Variants in STAU2 observed in about 807,000 individuals in gnomAD.
STAU2 encodes double-stranded RNA-binding protein Staufen homolog 2.
Under a neutral mutation model 65.9 loss-of-function variants are expected in STAU2, and 20 were observed. The observed-to-expected ratio is 0.30, with a 90% CI of 0.21 to 0.44. The LOEUF is 0.44. Ranked by LOEUF, STAU2 falls within the 20% of genes least tolerant of loss-of-function variation. STAU2 has a pLI of 1.00. For synonymous variants in STAU2, 232 were observed against 233.9 expected, an observed-to-expected ratio of 0.99 and a Z score of 0.07; for missense variants, 558 against 683.9, an observed-to-expected ratio of 0.82 and a Z score of 2.05.
At chr8:73,473,751 T>G (rs1176539650) in intron 13 of STAU2, among the ~76,000 whole-genome samples, 1 of 152,154 alleles carries the variant, frequency 6.6e-6, no homozygotes, top group Non-Finnish European at 1.5e-5. Flanking sequence ...GATTAAGTGC[T>G]CACTAGCTAA....
intron 12 of STAU2, among the ~76,000 whole-genome samples, chr8:73,565,204 G>T (rs1294062034): frequency 6.6e-6 from 1 of 152,174 alleles, no homozygotes; most frequent in Non-Finnish European, 1.5e-5. Context: ...CTGGTGGGAG[G>T]TGATTGAATC....
chr8:73,692,132 G>A (rs1819360399), intron 4 of STAU2, among the ~76,000 whole-genome samples: 1 of 152,006 alleles, frequency 6.6e-6, no homozygotes, highest in Non-Finnish European at 1.5e-5. Flanking sequence ...GTGCTGCAGG[G>A]TGGCACACCC....
chr8:73,592,789 G>T (rs938423814), intron 11 of STAU2, among the ~76,000 whole-genome samples: 2 of 152,122 alleles, frequency 1.3e-5, no homozygotes, highest in African/African-American at 4.8e-5. Context: ...AACCTGAGAG[G>T]CGGAGGTTGC....
intron 13 of STAU2, among the ~76,000 whole-genome samples, chr8:73,516,096 A>C (rs4738379): frequency 0.13 from 19,290 of 151,588 alleles, 2,282 homozygotes; most frequent in African/African-American, 0.31. Flanking sequence ...ACCATGCCCA[A>C]CTAATTTTTT....
chr8:73,558,969 A>T (rs1424602432), intron 12 of STAU2, among the ~76,000 whole-genome samples: 1 of 152,208 alleles, frequency 6.6e-6, no homozygotes, highest in Non-Finnish European at 1.5e-5. Context: ...AAAAATTCTT[A>T]AGAACTAGAA....
At chr8:73,518,041 C>T (rs1026797720) in intron 13 of STAU2, among the ~76,000 whole-genome samples, 1 of 152,020 alleles carries the variant, frequency 6.6e-6, no homozygotes, top group Non-Finnish European at 1.5e-5. Flanking sequence ...TTCTTTATTA[C>T]TTAAAAAAAA....
chr8:73,478,950 G>A (rs1377976120), intron 13 of STAU2, among the ~76,000 whole-genome samples: 1 of 152,028 alleles, frequency 6.6e-6, no homozygotes, highest in African/African-American at 2.4e-5. Context: ...TGAATCAGTT[G>A]CCTGAACCTT....
At chr8:73,635,090 A>C (rs890504677) in intron 6 of STAU2, among the ~76,000 whole-genome samples, 8 of 152,246 alleles carry the variant, frequency 5.3e-5, no homozygotes, top group Admixed American at 2.6e-4. Flanking sequence ...AGAAGATTCA[A>C]AACAACTAAA....
Position 73,663,893 on chromosome 8 carries a change from C to A in STAU2, c.410+9214G>T, listed in dbSNP as rs533958255. On this transcript the variant is annotated intron_variant, in intron 6 of 14. Transcript: ENST00000524300. The stretch of plus-strand genomic sequence containing the variant: ...ACTAACCTTGCAACTTGTGGCCTTA[C>A]TAAATTCACTTATTCAGTAGCTTTT... Among the ~76,000 whole-genome samples the A allele has an allele frequency of 3.1e-4, 47 of 152,320 alleles. No individual in the cohort carries two copies. The South Asian group carries it at 9.1e-3, about 30-fold the overall frequency.
chr8:73,642,036 C>G (rs949165229), intron 6 of STAU2, among the ~76,000 whole-genome samples: 1 of 152,192 alleles, frequency 6.6e-6, no homozygotes, highest in African/African-American at 2.4e-5. Context: ...TAGACTTACT[C>G]CTTAAGTGGG....
intron 13 of STAU2, among the ~76,000 whole-genome samples, chr8:73,435,078 C>A (rs75417444): frequency 0.011 from 1,605 of 151,854 alleles, 59 homozygotes; most frequent in African/African-American, 0.033. Context: ...CGCTCCCTGG[C>A]CAGCTGGTAT....
intron 3 of STAU2, among the ~76,000 whole-genome samples, chr8:73,721,536 C>A (rs1418077621): frequency 4.6e-5 from 7 of 152,088 alleles, no homozygotes; most frequent in Non-Finnish European, 8.8e-5. Context: ...CTGGATTTCT[C>A]AATTTCTCCT....
chr8:73,716,679 T>TA (rs1821275599), intron 3 of STAU2, among the ~76,000 whole-genome samples: 1 of 152,248 alleles, frequency 6.6e-6, no homozygotes, highest in Non-Finnish European at 1.5e-5. Flanking sequence ...CATTTGCTTA[T>TA]ATGTCATCTG....
At chr8:73,429,665 A>C (rs1585729752) in intron 13 of STAU2, among the ~76,000 whole-genome samples, 1 of 151,544 alleles carries the variant, frequency 6.6e-6, no homozygotes, top group Admixed American at 6.6e-5. Flanking sequence ...TCAAACTCCC[A>C]AGCTCAAGCA....
chr8:73,480,671 G>A (rs1231867317), intron 13 of STAU2, among the ~76,000 whole-genome samples: 1 of 152,124 alleles, frequency 6.6e-6, no homozygotes, highest in African/African-American at 2.4e-5. Context: ...GCCTGTGAGA[G>A]ACTGTAATTG....
chr8:73,725,686 C>A (rs1805570205), intron 3 of STAU2, among the ~76,000 whole-genome samples: 1 of 152,124 alleles, frequency 6.6e-6, no homozygotes, highest in South Asian at 2.1e-4. Flanking sequence ...AATCCCAGCC[C>A]TTTGGGAGGC....
At chr8:73,535,795 C>CA (rs1806142025) in intron 13 of STAU2, among the ~76,000 whole-genome samples, 1 of 152,112 alleles carries the variant, frequency 6.6e-6, no homozygotes, top group South Asian at 2.1e-4. Flanking sequence ...ATTGTGGTTA[C>CA]ACAGGCAGTC....
At chr8:73,626,796 C>T (rs1476080533) in intron 6 of STAU2, among the ~76,000 whole-genome samples, 1 of 152,108 alleles carries the variant, frequency 6.6e-6, no homozygotes, top group Non-Finnish European at 1.5e-5. Flanking sequence ...GTAGAACACA[C>T]AGGAATTAGG....
intron 13 of STAU2, among the ~76,000 whole-genome samples, chr8:73,503,031 T>A (rs1296814237): frequency 1.3e-5 from 2 of 152,072 alleles, no homozygotes; most frequent in Non-Finnish European, 2.9e-5. Flanking sequence ...ACAATAGAAA[T>A]GATTAATCTC....
Sources: gnomAD v4.1 joint callset for allele counts (sites outside exome capture counted in the v4.1 genomes callset) on GRCh38, gnomAD v4.1.1 for gene constraint, MANE v1.5 for transcripts, NCBI Gene and HGNC (gene_info 2026-07-23, HGNC 2026-07-21) for gene names.